The following NRXN3 variants were observed in gnomAD, a reference collection of about 807,000 sequenced individuals.
The protein encoded by NRXN3 is neurexin III.
In NRXN3, 32 loss-of-function variants were observed where a neutral mutation model predicts 137.6. That is an observed-to-expected ratio of 0.23 (90% CI 0.18 to 0.31). The LOEUF is 0.31. Among genes scored for constraint, NRXN3 ranks in the 10% least tolerant of loss-of-function variants. The pLI, the probability that NRXN3 is intolerant of heterozygous loss-of-function variation, is 1.00. For missense variants in NRXN3, 1,574 were observed against 2,062.5 expected (o/e 0.76, Z 4.59); for synonymous variants, 798 against 784.5 (o/e 1.02, Z -0.29).
intron 6 of NRXN3, among the ~76,000 whole-genome samples, chr14:78,707,742 A>G (rs1220026911): frequency 2.6e-5 from 4 of 152,138 alleles, no homozygotes; most frequent in Non-Finnish European, 5.9e-5. Context: ...AAGTCCATGT[A>G]TCATTCTTAT....
chr14:79,671,243 G>GACTT lies in NRXN3; in HGVS notation c.3616+7296_3616+7299dup, dbSNP rs1354833888. On this transcript the variant is annotated intron_variant, in intron 17 of 20. Transcript: ENST00000335750. Reference sequence around the variant, plus strand: ...GCTGGTATTCAACCCAGAACCATCTGACTTAAGAGTCTTAATGTTTAATCA... The same window carrying GACTT: ...GCTGGTATTCAACCCAGAACCATCTGACTTACTTAAGAGTCTTAATGTTTAATCA... Among the ~76,000 whole-genome samples, 4 of 152,128 alleles carry GACTT rather than the reference G, an allele frequency of 2.6e-5. 1 individual carries two copies. Among genetic ancestry groups the GACTT allele is most frequent in the African/African-American group, 9.7e-5 (4 of 41,442 alleles).
chr14:79,394,811 A>C (rs1039010936), intron 15 of NRXN3, among the ~76,000 whole-genome samples: 1 of 152,158 alleles, frequency 6.6e-6, no homozygotes, highest in Non-Finnish European at 1.5e-5. Flanking sequence ...ATACATTTGT[A>C]TTATTCCTAT....
chr14:78,455,657 T>A (rs1438074013), intron 4 of NRXN3, among the ~76,000 whole-genome samples: 1 of 152,194 alleles, frequency 6.6e-6, no homozygotes, highest in East Asian at 1.9e-4. Flanking sequence ...TTTATTCTTT[T>A]CCAAGTGATA....
At chr14:78,527,106 A>G (rs1043676624) in intron 4 of NRXN3, among the ~76,000 whole-genome samples, 3 of 152,232 alleles carry the variant, frequency 2.0e-5, no homozygotes, top group African/African-American at 7.2e-5. Flanking sequence ...CACCAAGAAT[A>G]TCAATAAACT....
chr14:78,484,015 CACACACACACACAGAG>C (rs1443382367), intron 4 of NRXN3, among the ~76,000 whole-genome samples: 4 of 80,366 alleles, frequency 5.0e-5, no homozygotes, highest in African/African-American at 1.8e-4. Flanking sequence ...CACACACACA[CACACACACACACAGAG>C]AGAGAGAGAG....
chr14:78,741,878 T>C lies in NRXN3; in HGVS notation c.2044+26739T>C, dbSNP rs575677385. 1.3e-3 allele frequency among the ~76,000 whole-genome samples: 205 copies of C among 152,254 alleles called. 2 individuals are homozygous for C. The highest frequency in any genetic ancestry group is 2.5e-4 in the Non-Finnish European group (17 of 68,010). ...GTGCCTACAGAAGTTATCAGTGACA[T>C]AGGGGAAGATAATCTTCCCCAGCCT... On this transcript the variant is annotated intron_variant, in intron 8 of 20. Transcript: ENST00000335750.
At chr14:79,382,613 A>G (rs1169226953) in intron 15 of NRXN3, among the ~76,000 whole-genome samples, 1 of 152,124 alleles carries the variant, frequency 6.6e-6, no homozygotes, top group Non-Finnish European at 1.5e-5. Flanking sequence ...TATCATACAC[A>G]GACTATCTCT....
chr14:79,536,673 T>C (rs1277175521), intron 16 of NRXN3, among the ~76,000 whole-genome samples: 2 of 152,120 alleles, frequency 1.3e-5, no homozygotes, highest in Non-Finnish European at 2.9e-5. Context: ...TGTGTTCTCA[T>C]TGTTCAGCTC....
At chr14:78,582,479 A>G (rs1306861929) in intron 4 of NRXN3, among the ~76,000 whole-genome samples, 1 of 152,208 alleles carries the variant, frequency 6.6e-6, no homozygotes, top group African/African-American at 2.4e-5. Flanking sequence ...TGATGGTATT[A>G]AGAGATGGGA....
rs146259779 is a variant in NRXN3 at position 78,880,346 on chromosome 14, C to T, written c.2275+70002C>T. Reference sequence around the variant, plus strand: ...AAAGGATGGAGAAGCACCTTTTTACCCATTACCTCTCTTAGGCTTGAAGGG... The same window carrying T: ...AAAGGATGGAGAAGCACCTTTTTACTCATTACCTCTCTTAGGCTTGAAGGG... On this transcript the variant is annotated intron_variant, in intron 10 of 20. Transcript: ENST00000335750. 3.5e-3 allele frequency among the ~76,000 whole-genome samples: 537 copies of T among 151,906 alleles called. 4 individuals are homozygous for T. The highest frequency in any genetic ancestry group is 0.012 in the African/African-American group (512 of 41,422).
chr14:78,708,328 T>C (rs1036623119), intron 6 of NRXN3, among the ~76,000 whole-genome samples: 37 of 152,210 alleles, frequency 2.4e-4, no homozygotes, highest in Non-Finnish European at 4.4e-5. Flanking sequence ...GTATTCTTTG[T>C]AAAATCAGAC....
Position 78,483,552 on chromosome 14 carries a change from T to C in NRXN3, c.758-161568T>C, listed in dbSNP as rs561280666. Among the ~76,000 whole-genome samples the C allele has an allele frequency of 4.9e-4, 75 of 152,362 alleles. 3 individuals are homozygous for C. In the South Asian group the frequency reaches 0.016, roughly 32 times the overall value. ...TATCCAATAACTTGGCTCTCAGTTATATCTTCTTAAGAATTCTAATAAGGC... is the reference window on the plus strand; with the variant it reads ...TATCCAATAACTTGGCTCTCAGTTACATCTTCTTAAGAATTCTAATAAGGC... On this transcript the variant is annotated intron_variant, in intron 4 of 20. Transcript: ENST00000335750.
chr14:78,279,286 AGT>A (rs1399383609), intron 3 of NRXN3, among the ~76,000 whole-genome samples: 9 of 152,332 alleles, frequency 5.9e-5, no homozygotes, highest in African/African-American at 1.9e-4. Flanking sequence ...CTCTTTTTAA[AGT>A]GTGTCTTCAT....
intron 15 of NRXN3, among the ~76,000 whole-genome samples, chr14:79,208,062 C>G (rs762643332): frequency 2.1e-4 from 32 of 152,096 alleles, no homozygotes; most frequent in Non-Finnish European, 4.0e-4. Flanking sequence ...TTGTTCCATA[C>G]TTTAAAGGAA....
intron 20 of NRXN3, among the ~76,000 whole-genome samples, chr14:79,846,197 G>C (rs2099370824): frequency 6.6e-6 from 1 of 152,214 alleles, no homozygotes. Flanking sequence ...TGGATGCCGA[G>C]TTGCCAGAAA....
chr14:78,262,918 C>T (rs1041292215), intron 2 of NRXN3, among the ~76,000 whole-genome samples: 3 of 151,992 alleles, frequency 2.0e-5, no homozygotes, highest in Non-Finnish European at 4.4e-5. Flanking sequence ...GATGAGGAGA[C>T]GGAAGCACAG....
intron 4 of NRXN3, among the ~76,000 whole-genome samples, chr14:78,448,628 G>C (rs533162538): frequency 2.2e-4 from 34 of 152,200 alleles, no homozygotes; most frequent in Non-Finnish European, 4.4e-4. Flanking sequence ...ACGGACACCG[G>C]ATGTTGTGCA....
At chr14:78,944,379 G>T (rs926697043) in intron 10 of NRXN3, among the ~76,000 whole-genome samples, 1 of 152,188 alleles carries the variant, frequency 6.6e-6, no homozygotes. Context: ...ATTCTTTATT[G>T]TTCTCAGAAA....
chr14:79,353,180 C>A (rs2093288602), intron 15 of NRXN3, among the ~76,000 whole-genome samples: 1 of 151,700 alleles, frequency 6.6e-6, no homozygotes, highest in South Asian at 2.1e-4. Context: ...TCTGAAAATT[C>A]ATTCAATATA....
Sources: allele counts gnomAD v4.1 joint callset (sites outside exome capture counted in the v4.1 genomes callset), GRCh38; gene constraint gnomAD v4.1.1; transcripts MANE v1.5; gene names NCBI Gene and HGNC (gene_info 2026-07-23, HGNC 2026-07-21).